TOP2B: variants seen among roughly 807,000 people sequenced by gnomAD.
TOP2B encodes the protein DNA topoisomerase 2-beta.
In TOP2B, 51 loss-of-function variants were observed where a neutral mutation model predicts 193.5. The ratio of observed to expected loss-of-function variants is 0.26; its 90% CI spans 0.21 to 0.33. The LOEUF (loss-of-function observed/expected upper bound fraction) is 0.33. TOP2B is among the 10% of genes least tolerant of loss of function. The probability of loss-of-function intolerance (pLI) is 1.00; values close to 1 mark genes in which losing one functional copy is unlikely to be tolerated. For synonymous variants in TOP2B, 634 were observed against 635.7 expected, an observed-to-expected ratio of 1.00 and a Z score of 0.04; for missense variants, 1,378 against 1,909.3, an observed-to-expected ratio of 0.72 and a Z score of 5.19.
At chr3:25,602,664 C>A (rs1182744362) in intron 33 of TOP2B, among the ~76,000 whole-genome samples, 1 of 152,082 alleles carries the variant, frequency 6.6e-6, no homozygotes, top group Non-Finnish European at 1.5e-5. Flanking sequence ...CTATATCTAC[C>A]ACAAGAACCA....
intron 28 of TOP2B, among the ~76,000 whole-genome samples, chr3:25,610,677 T>C (rs1575564064): frequency 6.6e-6 from 1 of 152,322 alleles, no homozygotes; most frequent in Non-Finnish European, 1.5e-5. Context: ...TTGTGCATAG[T>C]CAGTGGGGAG....
chr3:25,637,171 A>G, intron 6 of TOP2B, 44 bp downstream of exon 6: 1 of 1,422,210 alleles, frequency 7.0e-7, no homozygotes. Flanking sequence ...GCAAGATAAT[A>G]AAACGTTATT....
chr3:25,603,729 A>T (rs1702168022), intron 33 of TOP2B, among the ~76,000 whole-genome samples: 1 of 152,228 alleles, frequency 6.6e-6, no homozygotes, highest in Non-Finnish European at 1.5e-5. Context: ...TTACCAAGCC[A>T]ATCATCACTC....
intron 13 of TOP2B, 67 bp from the exon 14 acceptor site, chr3:25,629,212 A>AATTT: frequency 8.3e-7 from 1 of 1,200,992 alleles, no homozygotes; most frequent in Non-Finnish European, 1.1e-6. Flanking sequence ...TATATAAACA[A>AATTT]ATTTTAAAAC....
At chr3:25,604,936 CTT>C (rs1559491194) in intron 32 of TOP2B, 66 bp from the exon 33 acceptor site, 31 of 1,158,756 alleles carry the variant, frequency 2.7e-5, no homozygotes, top group Middle Eastern at 2.5e-4. Flanking sequence ...AACTTTGACT[CTT>C]TTAACTGATG....
At chr3:25,650,053 T>C (rs1357767078) in intron 1 of TOP2B, among the ~76,000 whole-genome samples, 1 of 152,154 alleles carries the variant, frequency 6.6e-6, no homozygotes, top group Non-Finnish European at 1.5e-5. Context: ...CTTTTAAAGA[T>C]TTAAGATTAG....
Position 25,630,820 on chromosome 3 carries a change from C to T in TOP2B, c.1386G>A (p.Leu462=). ...KYSKIKGIPK[L]DDANDAGGKH... is the part of the protein sequence containing the mutation. ...TCTTACCAGCATCATTAGCATCATCCAGTTTGGGAATACCTTTGATTTTAC... is the reference window on the plus strand; with the variant it reads ...TCTTACCAGCATCATTAGCATCATCTAGTTTGGGAATACCTTTGATTTTAC... The change falls in exon 11 of 36, where the codon CTG becomes CTA. Residue 462 remains leucine, a synonymous_variant. Coordinates refer to ENST00000264331, the MANE Select transcript of TOP2B (RefSeq NM_001330700.2). The T allele has an allele frequency of 6.3e-7, 1 of 1,579,116 alleles. No individual in the cohort carries two copies. The highest frequency in any genetic ancestry group is 8.6e-7 in the Non-Finnish European group (1 of 1,166,966).
Position 25,598,283 on chromosome 3 carries a change from A to C in TOP2B, c.*24T>G, listed in dbSNP as rs139778767. On this transcript the variant is annotated 3_prime_UTR_variant, in exon 36 of 36. Coordinates refer to ENST00000264331, the MANE Select transcript of TOP2B (RefSeq NM_001330700.2). Reference sequence around the variant, plus strand: ...AAGGACAACACAAGATATTTGTTGAAAAATGTTTGTGCTCTTTGGGCACTT... The same window carrying C: ...AAGGACAACACAAGATATTTGTTGACAAATGTTTGTGCTCTTTGGGCACTT... 6.3e-7 allele frequency: 1 copy of C among 1,581,888 alleles called. No individual in the cohort carries two copies. The highest frequency in any genetic ancestry group is 8.6e-7 in the Non-Finnish European group (1 of 1,160,248).
chr3:25,601,125 A>C lies in TOP2B; in HGVS notation c.4590T>G (p.Ile1530Met), dbSNP rs536401162. The C allele has an allele frequency of 3.1e-6, 5 of 1,613,752 alleles. No individual in the cohort carries two copies. The East Asian group carries it at 1.1e-4, about 36-fold the overall frequency. Residue 1530 changes from isoleucine (I) to methionine (M), a missense_variant, in exon 34 of 36, where the codon ATT (isoleucine) becomes ATG (methionine). Ile to Met is a conservative substitution (Grantham distance 10, BLOSUM62 1). Coordinates refer to ENST00000264331, the MANE Select transcript of TOP2B (RefSeq NM_001330700.2). ...CTTTTGGTGTTGTAGTCTTCTTTGGAATGCCAAATTCTGAATCCGAGTCAG... is the reference window on the plus strand; with the variant it reads ...CTTTTGGTGTTGTAGTCTTCTTTGGCATGCCAAATTCTGAATCCGAGTCAG... ...VNSDSDSEFG[I>M]PKKTTTPKGK...
chr3:25,637,506 G>T (rs1703137187), intron 5 of TOP2B, among the ~76,000 whole-genome samples, 194 bp from the exon 6 acceptor site: 1 of 151,912 alleles, frequency 6.6e-6, no homozygotes, highest in South Asian at 2.1e-4. Flanking sequence ...AGTATATATA[G>T]TAGTGTAATT....
chr3:25,654,330 T>C (rs763720050), intron 1 of TOP2B, among the ~76,000 whole-genome samples: 1 of 152,042 alleles, frequency 6.6e-6, no homozygotes, highest in Non-Finnish European at 1.5e-5. Flanking sequence ...AACAATCCCA[T>C]TTACTATAGC....
chr3:25,620,279 T>C (rs1702624896), intron 22 of TOP2B, among the ~76,000 whole-genome samples: 1 of 151,818 alleles, frequency 6.6e-6, no homozygotes, highest in Admixed American at 6.6e-5. Flanking sequence ...CCACTCATAC[T>C]CTAAAGGGCA....
At chr3:25,630,986 C>A (rs757942795) in intron 10 of TOP2B, 47 bp from the exon 11 acceptor site, 2 of 1,517,048 alleles carry the variant, frequency 1.3e-6, no homozygotes, top group South Asian at 1.3e-5. Context: ...AAAATTCATA[C>A]ATTTAGCTAA....
intron 31 of TOP2B, among the ~76,000 whole-genome samples, chr3:25,606,917 G>A (rs1419301681): frequency 6.6e-6 from 1 of 152,152 alleles, no homozygotes; most frequent in African/African-American, 2.4e-5. Context: ...GCATTAAGTA[G>A]TTGTGATAGA....
In TOP2B at chr3:25,598,329, A is replaced by ACAT; in HGVS notation, c.4856_4858dup (p.Asp1619dup). Reference sequence around the variant, plus strand: ...CACTTAATTAAACATTGCAAAATCAACATCATCTTCTTCTTCATCAGACTC... The same window carrying ACAT: ...CACTTAATTAAACATTGCAAAATCAACATCATCATCTTCTTCTTCATCAGACTC... On this transcript the variant is annotated inframe_insertion, in exon 36 of 36. Transcript: ENST00000264331. 1 of 1,610,166 alleles carries ACAT rather than the reference A, an allele frequency of 6.2e-7. No homozygotes were observed. Among genetic ancestry groups the ACAT allele is most frequent in the Non-Finnish European group, 8.5e-7 (1 of 1,178,094 alleles).
chr3:25,612,873 T>A (rs6785243), intron 27 of TOP2B, among the ~76,000 whole-genome samples, 164 bp from the exon 28 acceptor site: 1,761 of 152,262 alleles, frequency 0.012, 29 homozygotes, highest in African/African-American at 0.039. Context: ...AATAAAGAAT[T>A]CTAAATCAGA....
Position 25,664,333 on chromosome 3 carries a change from A to G in TOP2B, c.-36T>C. ...TCCAGCTCACAGGCCCTGAGGCCGC[A>G]GCCGCCGCTCCCGCCTCCCTGCGGG... On this transcript the variant is annotated 5_prime_UTR_variant, in exon 1 of 36. Coordinates refer to ENST00000264331, the MANE Select transcript of TOP2B (RefSeq NM_001330700.2). 7.0e-6 allele frequency: 10 copies of G among 1,438,406 alleles called. No individual in the cohort carries two copies. Among genetic ancestry groups the G allele is most frequent in the Non-Finnish European group, 8.1e-6 (9 of 1,104,552 alleles). 89.1% of individuals were successfully genotyped at this position (1,438,406 alleles called of 1,614,324 possible). A position where few individuals can be genotyped will look rare whatever the true frequency, so the allele number is the denominator to read the frequency against.
intron 1 of TOP2B, among the ~76,000 whole-genome samples, chr3:25,655,362 C>CA (rs1476565766): frequency 6.6e-6 from 1 of 152,086 alleles, no homozygotes; most frequent in Non-Finnish European, 1.5e-5. Context: ...TTAAGACAGC[C>CA]ATCAGAAAAT....
At position 25,634,000 on chromosome 3, in the gene TOP2B, G is replaced by A. The variant is rs371784453; in HGVS notation, c.867C>T (p.Arg289=). 26 of 1,602,420 alleles carry A rather than the reference G, an allele frequency of 1.6e-5. No individual in the cohort carries two copies. In the African/African-American group the frequency reaches 3.4e-4, roughly 21 times the overall value. The part of the protein sequence containing the change: ...NGKKLPVNGF[R]SYVDLYVKDK... ...CTTTCACATAAAGATCTACATAACT[G>A]CGAAATCCATTTACCTATTAATTTA... Residue 289 remains arginine, a synonymous_variant, in exon 8 of 36, where the codon CGC becomes CGT. Coordinates refer to ENST00000264331, the MANE Select transcript of TOP2B (RefSeq NM_001330700.2).
Sources: allele counts gnomAD v4.1 joint callset (sites outside exome capture counted in the v4.1 genomes callset), GRCh38; gene constraint gnomAD v4.1.1; transcripts MANE v1.5; gene names NCBI Gene and HGNC (gene_info 2026-07-23, HGNC 2026-07-21).